RPS6KA6: variants seen among roughly 807,000 people sequenced by gnomAD.
RPS6KA6 encodes ribosomal protein S6 kinase alpha-6.
Under a neutral mutation model 65.4 loss-of-function variants are expected in RPS6KA6, and 27 were observed. That is an observed-to-expected ratio of 0.41 (90% CI 0.30 to 0.57). The LOEUF (loss-of-function observed/expected upper bound fraction) is 0.57, where lower values mean the gene tolerates loss of function less well. Among genes scored for constraint, RPS6KA6 ranks in the 20% least tolerant of loss-of-function variants. RPS6KA6 has a pLI of 0.24. For missense variants in RPS6KA6, 486 were observed against 555.6 expected (o/e 0.87, Z 1.26); for synonymous variants, 190 against 184.2 (o/e 1.03, Z -0.26).
chrX:84,179,172 C>A (rs987287179), intron 1 of RPS6KA6, among the ~76,000 whole-genome samples: 5 of 111,020 alleles, frequency 4.5e-5, no homozygotes, highest in Non-Finnish European at 9.4e-5. Context: ...TGCTTAGCAA[C>A]ATGTGTCATT....
chrX:84,066,404 G>A (rs1462531114), intron 20 of RPS6KA6, among the ~76,000 whole-genome samples: 1 of 105,749 alleles, frequency 9.5e-6, no homozygotes, highest in Non-Finnish European at 1.9e-5. Flanking sequence ...GTCAAACTGC[G>A]ACAACTGAAC....
intron 1 of RPS6KA6, among the ~76,000 whole-genome samples, chrX:84,180,414 A>AT (rs1157509960): frequency 1.2e-4 from 13 of 110,246 alleles, no homozygotes; most frequent in Admixed American, 1.2e-3. Context: ...ATTTTTTTGC[A>AT]TTTTTTCTCA....
At chrX:84,136,890 TA>T (rs1200133198) in intron 6 of RPS6KA6, among the ~76,000 whole-genome samples, 3 of 111,670 alleles carry the variant, frequency 2.7e-5, no homozygotes, top group Admixed American at 9.5e-5. Context: ...CACAGCTAGT[TA>T]AGAAGGAGGC....
At chrX:84,125,048 G>A (rs1199163380) in intron 8 of RPS6KA6, among the ~76,000 whole-genome samples, 1 of 111,694 alleles carries the variant, frequency 9.0e-6, no homozygotes, top group Non-Finnish European at 1.9e-5. Context: ...ATTATAACTG[G>A]CAAAACATAT....
At position 84,134,395 on chromosome X, in the gene RPS6KA6, A is replaced by T. The variant is rs183371103; in HGVS notation, c.646+387T>A. 1.8e-4 allele frequency among the ~76,000 whole-genome samples: 20 copies of T among 111,380 alleles called. No individual in the cohort carries two copies. In the East Asian group the frequency reaches 3.7e-3, roughly 20 times the overall value. Reference sequence around the variant, plus strand: ...ATGATTCTATTTCTATATCACTCTCAAAATAACAAAATTATAGAGATGTAG... The same window carrying T: ...ATGATTCTATTTCTATATCACTCTCTAAATAACAAAATTATAGAGATGTAG... On this transcript the variant is annotated intron_variant, in intron 8 of 21. Coordinates refer to ENST00000262752, the MANE Select transcript of RPS6KA6 (RefSeq NM_014496.5).
intron 1 of RPS6KA6, among the ~76,000 whole-genome samples, chrX:84,187,211 C>G (rs1247049872): frequency 8.9e-6 from 1 of 111,838 alleles, no homozygotes; most frequent in Non-Finnish European, 1.9e-5. Context: ...AGCAGTAGAA[C>G]ATCACCTGAA....
At chrX:84,156,475 A>G (rs903422921) in intron 2 of RPS6KA6, among the ~76,000 whole-genome samples, 4 of 111,463 alleles carry the variant, frequency 3.6e-5, no homozygotes, top group African/African-American at 1.3e-4. Context: ...AAAATTGTTA[A>G]CAACAGTCTC....
At chrX:84,088,283 T>C (rs1439435332) in intron 20 of RPS6KA6, among the ~76,000 whole-genome samples, 1 of 111,963 alleles carries the variant, frequency 8.9e-6, no homozygotes. Flanking sequence ...TTGCTGACCT[T>C]TGAGTGAGGT....
chrX:84,187,922 C>T lies in RPS6KA6; in HGVS notation c.-23G>A, dbSNP rs371448814. 1 of 1,157,705 alleles carries T rather than the reference C, an allele frequency of 8.6e-7. No individual in the cohort carries two copies. The highest frequency in any genetic ancestry group is 3.3e-5 in the East Asian group (1 of 30,526). On this transcript the variant is annotated 5_prime_UTR_variant, in exon 1 of 22. Transcript: ENST00000262752. ...CATCTCCCCTTCAGGAGCACTCAAA[C>T]AGGAGCTGCCGCCTACCGCTGGCGC...
At chrX:84,122,211 G>GCTT (rs2034683859) in intron 8 of RPS6KA6, among the ~76,000 whole-genome samples, 1 of 111,235 alleles carries the variant, frequency 9.0e-6, no homozygotes, top group African/African-American at 3.3e-5. Context: ...GCCATGCAGT[G>GCTT]AGGAGAGTCT....
At chrX:84,080,826 C>A (rs1012928961) in intron 20 of RPS6KA6, among the ~76,000 whole-genome samples, 4 of 111,315 alleles carry the variant, frequency 3.6e-5, no homozygotes, top group African/African-American at 1.3e-4. Flanking sequence ...AAGGAACTCA[C>A]TCAAAACCAC....
chrX:84,066,679 G>A (rs772893999), intron 20 of RPS6KA6, among the ~76,000 whole-genome samples: 28 of 111,435 alleles, frequency 2.5e-4, no homozygotes, highest in Non-Finnish European at 4.9e-4. Flanking sequence ...AACTGTGGGC[G>A]CAGCTTCAGC....
chrX:84,135,279 T>G, intron 6 of RPS6KA6, 69 bp from the exon 7 acceptor site: 1 of 693,249 alleles, frequency 1.4e-6, no homozygotes, highest in Non-Finnish European at 2.2e-6. Context: ...AATACTTCTT[T>G]CAAAATGAGT....
intron 8 of RPS6KA6, among the ~76,000 whole-genome samples, chrX:84,124,197 C>T (rs1451376090): frequency 1.8e-5 from 2 of 110,956 alleles, no homozygotes; most frequent in Non-Finnish European, 3.8e-5. Context: ...CAAACAAGCC[C>T]GGAGTCCAAG....
intron 3 of RPS6KA6, among the ~76,000 whole-genome samples, chrX:84,149,721 G>T (rs780299119): frequency 2.7e-5 from 3 of 111,126 alleles, no homozygotes; most frequent in Non-Finnish European, 3.8e-5. Flanking sequence ...TTCAGGCTTT[G>T]TTCTATTTAT....
chrX:84,102,130 G>C lies in RPS6KA6; in HGVS notation c.1683C>G (p.Ile561Met). 1 of 1,191,070 alleles carries C rather than the reference G, an allele frequency of 8.4e-7. No individual in the cohort carries two copies. The highest frequency in any genetic ancestry group is 3.0e-5 in the East Asian group (1 of 33,174). ...YMDESASADS[I>M]RICDFGFAKQ... ...TTGCAAACCCAAAATCACATATCCT[G>C]ATTGAATCTGCACTGGCTGATTCAT... Residue 561 changes from isoleucine to methionine, a missense_variant, in exon 18 of 22, where the codon ATC becomes ATG. By Grantham distance (10) the Ile-to-Met change is conservative. Coordinates refer to ENST00000262752, the MANE Select transcript of RPS6KA6 (RefSeq NM_014496.5).
intron 20 of RPS6KA6, among the ~76,000 whole-genome samples, chrX:84,082,922 C>T (rs1411957840): frequency 8.9e-6 from 1 of 112,067 alleles, no homozygotes; most frequent in Non-Finnish European, 1.9e-5. Flanking sequence ...GGATCCCTTC[C>T]TCACACCTTA....
intron 13 of RPS6KA6, 123 bp from the exon 14 acceptor site, chrX:84,107,163 T>A: frequency 1.9e-6 from 1 of 514,963 alleles, no homozygotes; most frequent in Non-Finnish European, 3.0e-6. Context: ...ATATTTGATT[T>A]ATTATATATT....
chrX:84,146,455 T>C (rs1045542937), intron 5 of RPS6KA6, among the ~76,000 whole-genome samples: 1 of 111,574 alleles, frequency 9.0e-6, no homozygotes, highest in Admixed American at 9.6e-5. Flanking sequence ...AAATTAGCAA[T>C]GGAGCCATGA....
Sources: gnomAD v4.1 joint callset for allele counts (sites outside exome capture counted in the v4.1 genomes callset) on GRCh38, gnomAD v4.1.1 for gene constraint, MANE v1.5 for transcripts, NCBI Gene and HGNC (gene_info 2026-07-23, HGNC 2026-07-21) for gene names.